The following KMT2E variants were observed in gnomAD, a reference collection of about 807,000 sequenced individuals.
KMT2E encodes the protein histone reader KMT2E.
A neutral mutation model predicts 184.6 loss-of-function variants in KMT2E; 30 were observed. That is an observed-to-expected ratio of 0.16 (90% CI 0.12 to 0.22). The LOEUF (loss-of-function observed/expected upper bound fraction) is 0.22, where lower values mean the gene tolerates loss of function less well. Among genes scored for constraint, KMT2E ranks in the 10% least tolerant of loss-of-function variants. The pLI is 1.00. For synonymous variants in KMT2E, 815 were observed against 776.5 expected (o/e 1.05, Z -0.82); for missense variants, 2,023 against 2,237.4 (o/e 0.90, Z 1.93).
intron 13 of KMT2E, among the ~76,000 whole-genome samples, chr7:105,085,245 G>A (rs938381130): frequency 1.3e-5 from 2 of 152,162 alleles, no homozygotes; most frequent in Non-Finnish European, 2.9e-5. Context: ...ATAGAAAAAT[G>A]TAAACAATAA....
intron 1 of KMT2E, among the ~76,000 whole-genome samples, chr7:105,033,052 G>A (rs968720527): frequency 1.3e-5 from 2 of 152,200 alleles, no homozygotes; most frequent in Admixed American, 1.3e-4. Flanking sequence ...AACCACAGAT[G>A]TAGCAAACAT....
At chr7:105,106,109 GCA>G in intron 19 of KMT2E, 106 bp downstream of exon 19, 1 of 1,119,444 alleles carries the variant, frequency 8.9e-7, no homozygotes, top group Admixed American at 2.5e-5. Context: ...TAGAAGAGAA[GCA>G]CATTGGTGTA....
intron 5 of KMT2E, 135 bp downstream of exon 5, chr7:105,063,715 A>T: frequency 8.0e-6 from 5 of 622,796 alleles, no homozygotes; most frequent in Non-Finnish European, 1.3e-5. Context: ...CTATTGATGC[A>T]GTCCTAGAAA....
intron 9 of KMT2E, among the ~76,000 whole-genome samples, chr7:105,076,619 CTCTG>C (rs1205239100): frequency 1.3e-5 from 2 of 152,190 alleles, no homozygotes; most frequent in South Asian, 2.1e-4. Context: ...GGCTCCTCGC[CTCTG>C]TCTGACCCCA....
chr7:105,107,364 A>G lies in KMT2E; in HGVS notation c.2907A>G (p.Gly969=), dbSNP rs1007018234. ...EIKRRTYSQE[G]YDRSSTMLTL... is the part of the protein sequence containing the mutation. ...TTTTTTTTTTAATTTGTAAACAGGG[A>G]TATGACAGATCTTCAACCATGTTAA... Residue 969 remains glycine (G), a splice_region_variant and synonymous_variant, in exon 22 of 27, where the codon GGA becomes GGG. Transcript: ENST00000311117. 1.9e-6 allele frequency: 3 copies of G among 1,577,760 alleles called. No individual in the cohort carries two copies. The African/African-American group carries it at 4.1e-5, about 22-fold the overall frequency.
chr7:105,041,158 G>A (rs951953632), intron 3 of KMT2E, 135 bp downstream of exon 3: 19 of 562,108 alleles, frequency 3.4e-5, no homozygotes, highest in Non-Finnish European at 4.0e-5. Context: ...AAAAAAAAAA[G>A]CGAAGTTACC....
intron 17 of KMT2E, chr7:105,105,218 T>C (rs1222657106): frequency 5.0e-6 from 2 of 398,698 alleles, no homozygotes. Context: ...AAAGCAACCA[T>C]ATGTTTTGTT....
chr7:105,112,788 C>CCCA lies in KMT2E; in HGVS notation c.5034_5035insACC (p.Pro1678_Pro1679insThr). The CCCA allele has an allele frequency of 4.4e-6, 7 of 1,580,910 alleles. No homozygotes were observed. The highest frequency in any genetic ancestry group is 1.1e-5 in the South Asian group (1 of 88,876). ...TTCTCAAACTGCTGGACACCACTTACCCCCACCCCCACCCCCTCCTGGTCC... is the reference window on the plus strand; with the variant it reads ...TTCTCAAACTGCTGGACACCACTTACCCACCCCACCCCCACCCCCTCCTGGTCC... On this transcript the variant is annotated inframe_insertion, in exon 27 of 27. Coordinates refer to ENST00000311117, the MANE Select transcript of KMT2E (RefSeq NM_182931.3).
intron 3 of KMT2E, among the ~76,000 whole-genome samples, chr7:105,051,237 G>A (rs988514080): frequency 1.3e-5 from 2 of 150,830 alleles, no homozygotes; most frequent in Non-Finnish European, 1.5e-5. Flanking sequence ...CCAGGCTGGA[G>A]TGCAATGGCA....
chr7:105,030,819 G>T (rs902542149), intron 1 of KMT2E, among the ~76,000 whole-genome samples: 1 of 152,122 alleles, frequency 6.6e-6, no homozygotes, highest in African/African-American at 2.4e-5. Context: ...ATTAGTATAG[G>T]GAAAGAAACT....
At chr7:105,015,281 A>G (rs1319777865) in intron 1 of KMT2E, among the ~76,000 whole-genome samples, 1 of 152,216 alleles carries the variant, frequency 6.6e-6, no homozygotes, top group African/African-American at 2.4e-5. Context: ...CAGCAGACAC[A>G]GATGAGAAAC....
At chr7:105,078,657 C>CTTTTTTTTT (rs71152940) in intron 11 of KMT2E, among the ~76,000 whole-genome samples, 189 bp from the exon 12 acceptor site, 2 of 46,674 alleles carry the variant, frequency 4.3e-5, no homozygotes, top group Non-Finnish European at 7.2e-5. Context: ...CATGCCTGGC[C>CTTTTTTTTT]TTTTTTTTTT....
chr7:105,113,961 G>C lies in KMT2E; in HGVS notation c.*628G>C, dbSNP rs62486628. On this transcript the variant is annotated 3_prime_UTR_variant, in exon 27 of 27. Coordinates refer to ENST00000311117, the MANE Select transcript of KMT2E (RefSeq NM_182931.3). ...TGACAAGTCTTTTGCAAAACTGTGT[G>C]ATCTTTGTGAAAGTAGTACAGTATA... 1.7e-3 allele frequency: 259 copies of C among 153,258 alleles called. No homozygotes were observed. Among genetic ancestry groups the C allele is most frequent in the Non-Finnish European group, 2.9e-3 (197 of 68,202 alleles). The allele number at this position is 153,258 out of a possible 1,614,324, so 9.5% of individuals were successfully genotyped here. A position where few individuals can be genotyped will look rare whatever the true frequency, so the allele number is the denominator to read the frequency against.
chr7:105,109,022 T>C lies in KMT2E; in HGVS notation c.3549T>C (p.Ser1183=), dbSNP rs1799047275. 6 of 1,614,028 alleles carry C rather than the reference T, an allele frequency of 3.7e-6. No homozygotes were observed. In the African/African-American group the frequency reaches 8.0e-5, roughly 22 times the overall value. Residue 1183 remains serine (S), a synonymous_variant, in exon 23 of 27, where the codon AGT becomes AGC. Transcript: ENST00000311117. ...GSKTENFPLI[S]VSPHASGSLS... ...AGACAGAGAACTTTCCACTCATTAG[T>C]GTATCACCCCATGCAAGTGGAAGCT...
intron 1 of KMT2E, among the ~76,000 whole-genome samples, chr7:105,023,998 CACTT>C (rs994584749): frequency 2.0e-5 from 3 of 152,068 alleles, no homozygotes; most frequent in Non-Finnish European, 2.9e-5. Flanking sequence ...AACAGAAAAA[CACTT>C]AGACTTTCAT....
At chr7:105,074,507 A>AGGT in intron 7 of KMT2E, 136 bp from the exon 8 acceptor site, 1 of 541,898 alleles carries the variant, frequency 1.8e-6, no homozygotes, top group Non-Finnish European at 3.1e-6. Flanking sequence ...TGTGTAAGTG[A>AGGT]GGTGAGTGAA....
chr7:105,107,079 TTTTCA>T (rs1798932942), intron 20 of KMT2E, 82 bp from the exon 21 acceptor site: 1 of 784,530 alleles, frequency 1.3e-6, no homozygotes, highest in African/African-American at 1.8e-5. Context: ...GTCTGTATAT[TTTTCA>T]TTTTGTTTTC....
chr7:105,107,589 T>C lies in KMT2E; in HGVS notation c.3132T>C (p.His1044=). 1 of 1,614,118 alleles carries C rather than the reference T, an allele frequency of 6.2e-7. No individual in the cohort carries two copies. ...ALHKTLETPA[H]DRAEPNSQLD... ...ATAAAACCCTGGAAACGCCTGCACA[T>C]GACAGGGCTGAGCCCAACAGCCAAC... The change falls in exon 22 of 27, where the codon CAT becomes CAC. Residue 1044 remains histidine (H), a synonymous_variant. Transcript: ENST00000311117.
At chr7:105,072,385 T>G (rs184071814) in intron 6 of KMT2E, among the ~76,000 whole-genome samples, 13 of 152,172 alleles carry the variant, frequency 8.5e-5, no homozygotes, top group Admixed American at 5.2e-4. Context: ...TTGAGAGAGA[T>G]ATGTTTATTA....
Sources: allele counts gnomAD v4.1 joint callset (sites outside exome capture counted in the v4.1 genomes callset), GRCh38; gene constraint gnomAD v4.1.1; transcripts MANE v1.5; gene names NCBI Gene and HGNC (gene_info 2026-07-23, HGNC 2026-07-21).